The following MBTPS1 variants were observed in gnomAD, a reference collection of about 807,000 sequenced individuals.
The protein encoded by MBTPS1 is membrane-bound transcription factor site-1 protease.
Under a neutral mutation model 127.8 loss-of-function variants are expected in MBTPS1, and 94 were observed. The ratio of observed to expected loss-of-function variants is 0.74; its 90% CI spans 0.62 to 0.87. The LOEUF is 0.87. MBTPS1 is among the 40% of genes least tolerant of loss of function. The pLI is 0.00. For synonymous variants in MBTPS1, 632 were observed against 509.4 expected (o/e 1.24, Z -3.24); for missense variants, 1,636 against 1,353.2 (o/e 1.21, Z -3.28).
chr16:84,114,294 G>T (rs1008306630), intron 1 of MBTPS1, among the ~76,000 whole-genome samples: 1 of 152,038 alleles, frequency 6.6e-6, no homozygotes, highest in African/African-American at 2.4e-5. Context: ...TCTTACATCC[G>T]ATGCAACCAT....
intron 12 of MBTPS1, among the ~76,000 whole-genome samples, chr16:84,073,509 C>CA (rs754541791): frequency 7.9e-5 from 12 of 151,012 alleles, no homozygotes; most frequent in South Asian, 2.1e-4. Flanking sequence ...ACAATGATAA[C>CA]AAAAAAAATA....
chr16:84,087,136 C>G (rs2086040126), intron 9 of MBTPS1, among the ~76,000 whole-genome samples: 1 of 152,214 alleles, frequency 6.6e-6, no homozygotes, highest in African/African-American at 2.4e-5. Flanking sequence ...CGGTGCTCAT[C>G]ACAGCAGCTG....
intron 21 of MBTPS1, chr16:84,057,446 T>C (rs565793067): frequency 7.9e-5 from 12 of 152,350 alleles, no homozygotes; most frequent in East Asian, 3.9e-4. Context: ...CCCATTACCA[T>C]GTGGGTGCTT....
intron 7 of MBTPS1, among the ~76,000 whole-genome samples, 177 bp from the exon 8 acceptor site, chr16:84,091,119 A>G (rs1021184071): frequency 6.6e-6 from 1 of 152,184 alleles, no homozygotes; most frequent in Admixed American, 6.5e-5. Flanking sequence ...CCCGGGACGG[A>G]GAAGCACGCA....
intron 1 of MBTPS1, among the ~76,000 whole-genome samples, chr16:84,104,884 T>C (rs1301929007): frequency 6.6e-6 from 1 of 151,924 alleles, no homozygotes; most frequent in African/African-American, 2.4e-5. Flanking sequence ...GAGACCAGCC[T>C]GGCCAACATG....
chr16:84,077,251 G>C (rs1035213190), intron 11 of MBTPS1, among the ~76,000 whole-genome samples: 45 of 127,292 alleles, frequency 3.5e-4, no homozygotes, highest in African/African-American at 4.9e-4. Flanking sequence ...AAAAAAAAAA[G>C]AGAGAGAGAA....
rs1228020961 is a variant in MBTPS1, at chr16:84,074,646, T to C, written c.1544A>G (p.Asn515Ser). The C allele has an allele frequency of 6.2e-7, 1 of 1,614,186 alleles. No individual in the cohort carries two copies. Residue 515 changes from asparagine (N) to serine (S), a missense_variant, in exon 12 of 23, where the codon AAT (asparagine) becomes AGT (serine). By Grantham distance (46) the Asn-to-Ser change is conservative. Transcript: ENST00000343411. ...IYYGGMPTVVNVTILNGMGVT... is the reference protein window; with the variant it reads ...IYYGGMPTVVSVTILNGMGVT... ...TCCCATGCCGTTGAGGATGGTGACATTAACAACTGTCGGCATTCCTCCATA... is the reference window on the plus strand; with the variant it reads ...TCCCATGCCGTTGAGGATGGTGACACTAACAACTGTCGGCATTCCTCCATA...
Position 84,095,681 on chromosome 16 carries a change from G to A in MBTPS1, c.546C>T (p.Ser182=). The A allele has an allele frequency of 2.5e-6, 4 of 1,614,234 alleles. No individual in the cohort carries two copies. The highest frequency in any genetic ancestry group is 2.5e-6 in the Non-Finnish European group (3 of 1,180,040). ...GFWHATGRHS[S]RRLLRAIPRQ... ...GCGGGATGGCTCTCAGCAGCCGTCT[G>A]CTCGAATGCCTTCCCGTAGCATGCC... Residue 182 remains serine (S), a synonymous_variant, in exon 4 of 23, where the codon AGC becomes AGT. Coordinates refer to ENST00000343411, the MANE Select transcript of MBTPS1 (RefSeq NM_003791.4).
At position 84,059,440 on chromosome 16, in the gene MBTPS1, A is replaced by T. The variant is rs924713773; in HGVS notation, c.2705-12T>A. On this transcript the variant is annotated splice_polypyrimidine_tract_variant and intron_variant, in intron 20 of 22. Coordinates refer to ENST00000343411, the MANE Select transcript of MBTPS1 (RefSeq NM_003791.4). ...ATGAAGATGGTTTCCTGTGGTTAGC[A>T]GCAACATCAACAAAAAGGAAAATCA... 6.2e-7 allele frequency: 1 copy of T among 1,603,344 alleles called. No homozygotes were observed. Among genetic ancestry groups the T allele is most frequent in the African/African-American group, 1.3e-5 (1 of 74,450 alleles).
chr16:84,072,804 A>G (rs2085791620), intron 12 of MBTPS1, among the ~76,000 whole-genome samples: 1 of 152,138 alleles, frequency 6.6e-6, no homozygotes, highest in South Asian at 2.1e-4. Context: ...AAAAAGGCAA[A>G]TCACCCAGTG....
rs11325729 is a variant in MBTPS1, at chr16:84,090,999, CAAA to C, written c.964-60_964-58del. On this transcript the variant is annotated intron_variant, in intron 7 of 22. Coordinates refer to ENST00000343411, the MANE Select transcript of MBTPS1 (RefSeq NM_003791.4). ...TCCCTTTCATTAAACATATAACTGT[CAAA>C]AAAAAAAAAAAAACCATACACAACG... The C allele has an allele frequency of 2.6e-3, 2,008 of 765,062 alleles. 2 individuals are homozygous for C. Among genetic ancestry groups the C allele is most frequent in the South Asian group, 3.4e-3 (179 of 52,002 alleles). 47.4% of individuals were successfully genotyped at this position (765,062 alleles called of 1,614,324 possible). A position where few individuals can be genotyped will look rare whatever the true frequency, so the allele number is the denominator to read the frequency against.
intron 9 of MBTPS1, 36 bp from the exon 10 acceptor site, chr16:84,085,170 A>C: frequency 6.2e-7 from 1 of 1,604,890 alleles, no homozygotes; most frequent in Non-Finnish European, 8.5e-7. Flanking sequence ...TACATCTCGC[A>C]CATTGGCATA....
chr16:84,081,963 G>A (rs2085948940), intron 10 of MBTPS1, 55 bp from the exon 11 acceptor site: 3 of 1,304,638 alleles, frequency 2.3e-6, no homozygotes, highest in Non-Finnish European at 3.0e-6. Context: ...ATGGAAATTG[G>A]ACCACTAAAA....
rs2086256772 is a variant in MBTPS1 at position 84,101,614 on chromosome 16, T to C, written c.163+7A>G. 6.2e-7 allele frequency: 1 copy of C among 1,609,000 alleles called. No homozygotes were observed. Among genetic ancestry groups the C allele is most frequent in the Non-Finnish European group, 8.5e-7 (1 of 1,177,126 alleles). ...GGAGTTCCTAATACTTAAGACAACA[T>C]CATTACCATATTCCACAACTGTTGA... On this transcript the variant is annotated splice_region_variant and intron_variant, in intron 2 of 22. Transcript: ENST00000343411.
In MBTPS1 at chr16:84,054,467, T is replaced by C. The variant is rs367552161; in HGVS notation, c.3141A>G (p.Pro1047=). The change falls in exon 23 of 23, where the codon CCA becomes CCG. Residue 1047 remains proline, a synonymous_variant. Transcript: ENST00000343411. ...CTGCCGGTCACACCGAAGGGGTCTTTGGCGGGTGAACCTGCTGCATGAGCT... is the reference window on the plus strand; with the variant it reads ...CTGCCGGTCACACCGAAGGGGTCTTCGGCGGGTGAACCTGCTGCATGAGCT... ...RPQLMQQVHP[P]KTPSV is the part of the protein sequence containing the mutation. 3.1e-6 allele frequency: 5 copies of C among 1,608,216 alleles called. No homozygotes were observed. The African/African-American group carries it at 6.7e-5, about 22-fold the overall frequency.
At chr16:84,104,282 A>C (rs576677691) in intron 1 of MBTPS1, among the ~76,000 whole-genome samples, 1 of 152,246 alleles carries the variant, frequency 6.6e-6, no homozygotes, top group Admixed American at 6.5e-5. Context: ...GAGGTTTGAG[A>C]CCAGCCTGGG....
At chr16:84,093,112 G>C (rs2086132259) in intron 6 of MBTPS1, 76 bp downstream of exon 6, 1 of 960,110 alleles carries the variant, frequency 1.0e-6, no homozygotes, top group Non-Finnish European at 1.7e-6. Context: ...TTACACAAGT[G>C]TGTACAGTCC....
chr16:84,058,136 G>C (rs1002395204), intron 21 of MBTPS1: 4 of 152,264 alleles, frequency 2.6e-5, no homozygotes, highest in African/African-American at 9.6e-5. Context: ...TTAAGGTTCA[G>C]GAAGAAAGCT....
chr16:84,072,121 G>A (rs2085779196), intron 12 of MBTPS1: 1 of 152,256 alleles, frequency 6.6e-6, no homozygotes, highest in African/African-American at 2.4e-5. Context: ...CCGCCCAGTG[G>A]AGCACTACTC....
Sources: allele counts gnomAD v4.1 joint callset (sites outside exome capture counted in the v4.1 genomes callset), GRCh38; gene constraint gnomAD v4.1.1; transcripts MANE v1.5; gene names NCBI Gene and HGNC (gene_info 2026-07-23, HGNC 2026-07-21).